SGCZ: variants seen among roughly 807,000 people sequenced by gnomAD.
SGCZ encodes zeta-sarcoglycan.
Under a neutral mutation model 41.3 loss-of-function variants are expected in SGCZ, and 40 were observed. The observed-to-expected ratio is 0.97, with a 90% CI of 0.75 to 1.26. SGCZ has a LOEUF of 1.26. SGCZ is among the 50% of genes most tolerant of loss of function. SGCZ has a pLI of 0.00. For missense variants in SGCZ, 552 were observed against 369.8 expected (o/e 1.49, Z -4.04); for synonymous variants, 206 against 137.5 (o/e 1.50, Z -3.49).
intron 1 of SGCZ, among the ~76,000 whole-genome samples, chr8:14,973,997 T>G (rs1801382920): frequency 6.6e-6 from 1 of 152,134 alleles, no homozygotes; most frequent in African/African-American, 2.4e-5. Context: ...TTTCTGAGGG[T>G]GAAAACAAGG....
chr8:15,214,210 T>C (rs1801326697), intron 1 of SGCZ, among the ~76,000 whole-genome samples: 1 of 152,066 alleles, frequency 6.6e-6, no homozygotes, highest in Non-Finnish European at 1.5e-5. Flanking sequence ...ATCCATAATA[T>C]AAAATTATTT....
At chr8:14,134,289 A>T (rs948714694) in intron 5 of SGCZ, among the ~76,000 whole-genome samples, 4 of 152,178 alleles carry the variant, frequency 2.6e-5, no homozygotes, top group Admixed American at 6.5e-5. Flanking sequence ...TACCTCATCA[A>T]ATAATTTTTG....
At chr8:14,305,215 C>T (rs1018200283) in intron 3 of SGCZ, among the ~76,000 whole-genome samples, 1 of 152,088 alleles carries the variant, frequency 6.6e-6, no homozygotes, top group South Asian at 2.1e-4. Context: ...ACCAATATAA[C>T]TATCATATGA....
intron 1 of SGCZ, among the ~76,000 whole-genome samples, chr8:14,711,546 G>C (rs1179166804): frequency 1.4e-5 from 2 of 144,032 alleles, no homozygotes; most frequent in Non-Finnish European, 3.0e-5. Flanking sequence ...AGGTTGTAGT[G>C]AGCCAAGATT....
rs147421253 is a variant in SGCZ at position 14,493,990 on chromosome 8, A to T, written c.234+60742T>A. ...GATTGAGAAAAAAATATGCAGCAGTAATCTGTCACAAGTGGAAGGACAAAT... is the reference window on the plus strand; with the variant it reads ...GATTGAGAAAAAAATATGCAGCAGTTATCTGTCACAAGTGGAAGGACAAAT... On this transcript the variant is annotated intron_variant, in intron 2 of 7. Transcript: ENST00000382080. Among the ~76,000 whole-genome samples, 305 of 152,284 alleles carry T rather than the reference A, an allele frequency of 2.0e-3. 4 individuals are homozygous for T. The highest frequency in any genetic ancestry group is 6.8e-3 in the African/African-American group (282 of 41,554).
intron 2 of SGCZ, among the ~76,000 whole-genome samples, chr8:14,329,378 G>T (rs1444854169): frequency 6.6e-6 from 1 of 152,102 alleles, no homozygotes. Context: ...ATTTTTAATA[G>T]TTATTCCCTT....
chr8:14,352,740 C>T (rs13263516), intron 2 of SGCZ, among the ~76,000 whole-genome samples: 8,790 of 152,030 alleles, frequency 0.058, 359 homozygotes, highest in Non-Finnish European at 0.093. Flanking sequence ...CCTATTTTTG[C>T]CTTGGTCATA....
chr8:14,245,971 A>G (rs1157199015), intron 3 of SGCZ, among the ~76,000 whole-genome samples: 1 of 152,224 alleles, frequency 6.6e-6, no homozygotes, highest in Admixed American at 6.5e-5. Context: ...GGATGTGGAA[A>G]AATAGGTACA....
In SGCZ at chr8:14,121,616, A is replaced by G. The variant is rs369778934; in HGVS notation, c.548-13381T>C. On this transcript the variant is annotated intron_variant, in intron 5 of 7. Coordinates refer to ENST00000382080, the MANE Select transcript of SGCZ (RefSeq NM_139167.4). Reference sequence around the variant, plus strand: ...AGAAATCAGGCCTAACATCAGATAGACTTTTCCATTCAGTTAAGTTATTGT... The same window carrying G: ...AGAAATCAGGCCTAACATCAGATAGGCTTTTCCATTCAGTTAAGTTATTGT... Among the ~76,000 whole-genome samples, 9 of 152,278 alleles carry G rather than the reference A, an allele frequency of 5.9e-5. No individual in the cohort carries two copies. In the South Asian group the frequency reaches 8.3e-4, roughly 14 times the overall value.
At chr8:14,476,301 A>G (rs1358653089) in intron 2 of SGCZ, among the ~76,000 whole-genome samples, 3 of 152,136 alleles carry the variant, frequency 2.0e-5, no homozygotes, top group African/African-American at 4.8e-5. Context: ...AACAAAAAGC[A>G]GAAGATGGGT....
intron 5 of SGCZ, among the ~76,000 whole-genome samples, chr8:14,110,221 G>C (rs775768751): frequency 5.3e-5 from 8 of 152,014 alleles, no homozygotes; most frequent in Non-Finnish European, 1.2e-4. Context: ...CTCAAAGAGA[G>C]ACTCTGGCAT....
intron 2 of SGCZ, among the ~76,000 whole-genome samples, chr8:14,377,918 C>G (rs1804196231): frequency 6.6e-6 from 1 of 150,672 alleles, no homozygotes; most frequent in Non-Finnish European, 1.5e-5. Context: ...TTTTCTTAAT[C>G]CAGTCTATCA....
intron 3 of SGCZ, among the ~76,000 whole-genome samples, chr8:14,257,458 C>A (rs914834860): frequency 1.3e-5 from 2 of 151,076 alleles, no homozygotes; most frequent in African/African-American, 4.9e-5. Context: ...TTTTTTAATA[C>A]ATCCAAAAAG....
chr8:14,967,954 A>G (rs1271894258), intron 1 of SGCZ, among the ~76,000 whole-genome samples: 2 of 152,180 alleles, frequency 1.3e-5, no homozygotes, highest in East Asian at 3.9e-4. Flanking sequence ...TTTCACATAT[A>G]AAGTGTTCAG....
chr8:14,318,515 C>A (rs1214087535), intron 3 of SGCZ, among the ~76,000 whole-genome samples: 1 of 151,806 alleles, frequency 6.6e-6, no homozygotes, highest in African/African-American at 2.4e-5. Context: ...AAAGTCAAGC[C>A]CAGATAAACT....
intron 2 of SGCZ, among the ~76,000 whole-genome samples, chr8:14,531,499 A>G (rs1432626670): frequency 6.6e-6 from 1 of 152,024 alleles, no homozygotes; most frequent in Non-Finnish European, 1.5e-5. Flanking sequence ...CCTGCTCACC[A>G]AACTGCAAGG....
chr8:14,943,990 T>G (rs1191571646), intron 1 of SGCZ, among the ~76,000 whole-genome samples: 1 of 152,190 alleles, frequency 6.6e-6, no homozygotes, highest in African/African-American at 2.4e-5. Flanking sequence ...CATACCATTT[T>G]CTTTATCCAG....
chr8:14,456,900 ACT>A (rs759040889), intron 2 of SGCZ, among the ~76,000 whole-genome samples: 13 of 151,762 alleles, frequency 8.6e-5, no homozygotes, highest in Middle Eastern at 3.4e-3. Flanking sequence ...CTCCAACCAC[ACT>A]CTCTCTCTCT....
intron 1 of SGCZ, among the ~76,000 whole-genome samples, chr8:14,608,394 T>C (rs1018110376): frequency 1.3e-5 from 2 of 151,798 alleles, no homozygotes; most frequent in African/African-American, 4.8e-5. Context: ...TACCAGCATA[T>C]GCTCAGCTTC....
Sources: allele counts gnomAD v4.1 joint callset (sites outside exome capture counted in the v4.1 genomes callset), GRCh38; gene constraint gnomAD v4.1.1; transcripts MANE v1.5; gene names NCBI Gene and HGNC (gene_info 2026-07-23, HGNC 2026-07-21).